The following NECTIN1 variants were observed in gnomAD, a reference collection of about 807,000 sequenced individuals.
NECTIN1 encodes the protein nectin-1.
In NECTIN1, 23 loss-of-function variants were observed where a neutral mutation model predicts 48.0. The ratio of observed to expected loss-of-function variants is 0.48; its 90% CI spans 0.34 to 0.68. The LOEUF (loss-of-function observed/expected upper bound fraction) is 0.68. Among genes scored for constraint, NECTIN1 ranks in the 30% least tolerant of loss-of-function variants. The pLI, the probability that NECTIN1 is intolerant of heterozygous loss-of-function variation, is 0.01. For missense variants in NECTIN1, 591 were observed against 709.9 expected (o/e 0.83, Z 1.90); for synonymous variants, 270 against 288.9 (o/e 0.93, Z 0.66).
In NECTIN1 at chr11:119,684,207, G is replaced by T. The variant is rs1055176150; in HGVS notation, c.80-5442C>A. ...TGGGCTCAGGGGTAGGTGAAAGTGGGTACCTAGGTGAGGCGAGGGGGATTT... is the reference window on the plus strand; with the variant it reads ...TGGGCTCAGGGGTAGGTGAAAGTGGTTACCTAGGTGAGGCGAGGGGGATTT... On this transcript the variant is annotated intron_variant, in intron 1 of 5. Transcript: ENST00000264025. The surrounding 1 kb of genome is among the most constrained non-coding windows in gnomAD (Gnocchi z 5.2). Among the ~76,000 whole-genome samples, 1 of 152,234 alleles carries T rather than the reference G, an allele frequency of 6.6e-6. No individual in the cohort carries two copies. The highest frequency in any genetic ancestry group is 2.4e-5 in the African/African-American group (1 of 41,462).
intron 1 of NECTIN1, among the ~76,000 whole-genome samples, chr11:119,702,658 CT>C (rs1865477636): frequency 6.6e-6 from 1 of 152,242 alleles, no homozygotes; most frequent in Admixed American, 6.5e-5. Flanking sequence ...AGCTCTGCCA[CT>C]TGCAAGCTCT....
At chr11:119,720,197 G>C (rs1478772505) in intron 1 of NECTIN1, among the ~76,000 whole-genome samples, 1 of 152,260 alleles carries the variant, frequency 6.6e-6, no homozygotes, top group East Asian at 1.9e-4. Flanking sequence ...GAGCTGGCTA[G>C]GACCAGAGGC....
chr11:119,662,860 C>T lies in NECTIN1; in HGVS notation c.*1887G>A. 1.0e-6 allele frequency: 1 copy of T among 986,100 alleles called. No homozygotes were observed. The highest frequency in any genetic ancestry group is 1.2e-6 in the Non-Finnish European group (1 of 830,140). 61.1% of individuals were successfully genotyped at this position (986,100 alleles called of 1,614,324 possible). On this transcript the variant is annotated 3_prime_UTR_variant, in exon 6 of 6. Coordinates refer to ENST00000264025, the MANE Select transcript of NECTIN1 (RefSeq NM_002855.5). The surrounding 1 kb of genome is among the most constrained non-coding windows in gnomAD (Gnocchi z 5.3). ...CCCAAATGTGTAGAGGGGAGAGCCGCACCAGGGCTGGCATGGCTTCAGACT... is the reference window on the plus strand; with the variant it reads ...CCCAAATGTGTAGAGGGGAGAGCCGTACCAGGGCTGGCATGGCTTCAGACT...
At chr11:119,723,760 A>C (rs750505386) in intron 1 of NECTIN1, among the ~76,000 whole-genome samples, 1 of 152,300 alleles carries the variant, frequency 6.6e-6, no homozygotes, top group African/African-American at 2.4e-5. Context: ...TTAAAGAGTT[A>C]ACTGGACTAA....
At position 119,709,373 on chromosome 11, in the gene NECTIN1, G is replaced by C. The variant is rs754450195; in HGVS notation, c.79+19102C>G. On this transcript the variant is annotated intron_variant, in intron 1 of 5. Transcript: ENST00000264025. The surrounding 1 kb of genome is among the most constrained non-coding windows in gnomAD (Gnocchi z 4.1). ...GGCCCAGGGCGCCTCTGTCTGCCACGCACTTGCCTGGGCCACTCTGCTACC... is the reference window on the plus strand; with the variant it reads ...GGCCCAGGGCGCCTCTGTCTGCCACCCACTTGCCTGGGCCACTCTGCTACC... Among the ~76,000 whole-genome samples the C allele has an allele frequency of 4.6e-5, 7 of 152,084 alleles. No individual in the cohort carries two copies. Among genetic ancestry groups the C allele is most frequent in the Non-Finnish European group, 8.8e-5 (6 of 67,998 alleles).
At position 119,684,809 on chromosome 11, in the gene NECTIN1, G is replaced by A. The variant is rs936200432; in HGVS notation, c.80-6044C>T. ...CTTTCTGGGGTCCCCTCCTTTCACA[G>A]GTTTTGCCAATCAGTGTCACCTAGA... On this transcript the variant is annotated intron_variant, in intron 1 of 5. Transcript: ENST00000264025. The surrounding 1 kb of genome is among the most constrained non-coding windows in gnomAD (Gnocchi z 5.2). Among the ~76,000 whole-genome samples the A allele has an allele frequency of 6.6e-6, 1 of 152,164 alleles. No individual in the cohort carries two copies. Among genetic ancestry groups the A allele is most frequent in the Non-Finnish European group, 1.5e-5 (1 of 68,026 alleles).
At position 119,664,359 on chromosome 11, in the gene NECTIN1, G is replaced by T; in HGVS notation, c.*388C>A. The T allele has an allele frequency of 2.9e-6, 3 of 1,038,906 alleles. No homozygotes were observed. The highest frequency in any genetic ancestry group is 2.3e-6 in the Non-Finnish European group (2 of 862,980). 64.4% of individuals were successfully genotyped at this position (1,038,906 alleles called of 1,614,324 possible). ...GAGCCCCTTGAGCCCTCCACCCCCA[G>T]TGAAGAAACACAAACAAATTCCAGT... On this transcript the variant is annotated 3_prime_UTR_variant, in exon 6 of 6. Coordinates refer to ENST00000264025, the MANE Select transcript of NECTIN1 (RefSeq NM_002855.5).
intron 1 of NECTIN1, among the ~76,000 whole-genome samples, chr11:119,703,007 C>T (rs1865483644): frequency 6.6e-6 from 1 of 152,232 alleles, no homozygotes; most frequent in South Asian, 2.1e-4. Context: ...CTTTGCCACA[C>T]TTAAAAAGCA....
At position 119,673,056 on chromosome 11, in the gene NECTIN1, C is replaced by T. The variant is rs565110054; in HGVS notation, c.1003+2103G>A. On this transcript the variant is annotated intron_variant, in intron 5 of 5. Transcript: ENST00000264025. This position sits in a 1 kb window ranked among gnomAD's most constrained non-coding sequence, Gnocchi z 5.8. ...ATGAAAAATTAAATTTCCACTTATC[C>T]CTCTCGCTCATGCATTCCCTCTGGA... Among the ~76,000 whole-genome samples, 1 of 152,332 alleles carries T rather than the reference C, an allele frequency of 6.6e-6. No individual in the cohort carries two copies. The highest frequency in any genetic ancestry group is 2.1e-4 in the South Asian group (1 of 4,828).
At chr11:119,719,741 G>T (rs930878357) in intron 1 of NECTIN1, among the ~76,000 whole-genome samples, 5 of 152,198 alleles carry the variant, frequency 3.3e-5, no homozygotes, top group African/African-American at 4.8e-5. Flanking sequence ...CATCAGCAAT[G>T]GAGCTCTCAG....
intron 1 of NECTIN1, among the ~76,000 whole-genome samples, chr11:119,690,770 G>C (rs1315709100): frequency 2.0e-5 from 3 of 152,132 alleles, no homozygotes; most frequent in African/African-American, 7.2e-5. Context: ...CCTGGGGTGG[G>C]GAGGGTCCCA....
chr11:119,676,465 C>T (rs774158219), intron 4 of NECTIN1, among the ~76,000 whole-genome samples: 1 of 152,256 alleles, frequency 6.6e-6, no homozygotes, highest in Non-Finnish European at 1.5e-5. Context: ...TCAACCTTCT[C>T]CTTGGTTCCC....
intron 5 of NECTIN1, chr11:119,643,125 C>T (rs906321787): frequency 6.5e-6 from 1 of 153,766 alleles, no homozygotes. Context: ...ATTGCCCTCA[C>T]TCCCTGTCCC....
chr11:119,653,580 G>A (rs758595906), intron 5 of NECTIN1, among the ~76,000 whole-genome samples: 8 of 152,202 alleles, frequency 5.3e-5, no homozygotes, highest in Non-Finnish European at 1.0e-4. Flanking sequence ...TGCGCACCAC[G>A]TAGCCAGGAA....
chr11:119,659,849 T>C (rs978756771), downstream of NECTIN1, among the ~76,000 whole-genome samples: 56 of 152,366 alleles, frequency 3.7e-4, no homozygotes, highest in African/African-American at 1.3e-3. Flanking sequence ...TAATTACGCA[T>C]TTATTGCCTG....
At chr11:119,692,945 G>A (rs1279679945) in intron 1 of NECTIN1, among the ~76,000 whole-genome samples, 1 of 152,218 alleles carries the variant, frequency 6.6e-6, no homozygotes, top group African/African-American at 2.4e-5. Flanking sequence ...GTGCTGGCCT[G>A]AGGCTGACGA....
At chr11:119,687,769 C>A (rs1266773427) in intron 1 of NECTIN1, among the ~76,000 whole-genome samples, 1 of 152,208 alleles carries the variant, frequency 6.6e-6, no homozygotes, top group Non-Finnish European at 1.5e-5. Flanking sequence ...TGTTCAACAC[C>A]TGTTTGGAAG....
In NECTIN1 at chr11:119,672,444, C is replaced by G. The variant is rs945895145; in HGVS notation, c.1003+2715G>C. Reference sequence around the variant, plus strand: ...AAACTGCTCCTCTGTGTAAGGGCCTCTGAAAGGGGTTCTCTGGGGCCTGTG... The same window carrying G: ...AAACTGCTCCTCTGTGTAAGGGCCTGTGAAAGGGGTTCTCTGGGGCCTGTG... On this transcript the variant is annotated intron_variant, in intron 5 of 5. Transcript: ENST00000264025. The surrounding 1 kb of genome is among the most constrained non-coding windows in gnomAD (Gnocchi z 4.3). 6.6e-6 allele frequency among the ~76,000 whole-genome samples: 1 copy of G among 152,172 alleles called. No individual in the cohort carries two copies. Among genetic ancestry groups the G allele is most frequent in the Non-Finnish European group, 1.5e-5 (1 of 68,022 alleles).
chr11:119,687,155 G>C (rs1279645238), intron 1 of NECTIN1: 1 of 151,990 alleles, frequency 6.6e-6, no homozygotes. Flanking sequence ...AGGTTGGCCC[G>C]ATCCCTCGCC....
Sources: allele counts gnomAD v4.1 joint callset (sites outside exome capture counted in the v4.1 genomes callset), GRCh38; gene constraint gnomAD v4.1.1; non-coding constraint Gnocchi (gnomAD v3.1); transcripts MANE v1.5; gene names NCBI Gene and HGNC (gene_info 2026-07-23, HGNC 2026-07-21).